Variants in NUP107 observed in about 807,000 individuals in gnomAD.
NUP107 encodes the protein nucleoporin 107.
NUP107 carries 101 observed loss-of-function variants against 141.0 expected under a neutral mutation model. The observed-to-expected ratio is 0.72, with a 90% CI of 0.61 to 0.84. NUP107 has a LOEUF of 0.84. Among genes scored for constraint, NUP107 ranks in the 40% least tolerant of loss-of-function variants. NUP107 has a pLI of 0.00. For missense variants in NUP107, 941 were observed against 1,102.7 expected (o/e 0.85, Z 2.08); for synonymous variants, 319 against 363.9 (o/e 0.88, Z 1.41).
At chr12:68,733,076 A>G (rs531937937) in intron 23 of NUP107, among the ~76,000 whole-genome samples, 1 of 151,854 alleles carries the variant, frequency 6.6e-6, no homozygotes, top group Non-Finnish European at 1.5e-5. Context: ...TTCCATAGGG[A>G]GGAGAAAACC....
At chr12:68,695,392 G>T (rs769002008) in intron 5 of NUP107, among the ~76,000 whole-genome samples, 56 of 152,104 alleles carry the variant, frequency 3.7e-4, no homozygotes, top group Admixed American at 8.5e-4. Context: ...GATGAATGGG[G>T]GAAACAAAAT....
intron 1 of NUP107, 200 bp downstream of exon 1, chr12:68,687,273 TA>T: frequency 1.4e-6 from 1 of 737,054 alleles, no homozygotes; most frequent in Non-Finnish European, 2.1e-6. Flanking sequence ...GTACAGATCA[TA>T]ATAGTCCCTT....
intron 24 of NUP107, among the ~76,000 whole-genome samples, chr12:68,734,346 G>T (rs1301467453): frequency 2.0e-5 from 3 of 152,106 alleles, no homozygotes; most frequent in African/African-American, 7.2e-5. Context: ...CAGTGGGTTA[G>T]GTAGTAGGGC....
rs1333884505 is a variant in NUP107 at position 68,721,825 on chromosome 12, T to C, written c.1312-16T>C. 3 of 1,608,464 alleles carry C rather than the reference T, an allele frequency of 1.9e-6. No individual in the cohort carries two copies. The African/African-American group carries it at 4.0e-5, about 22-fold the overall frequency. On this transcript the variant is annotated splice_polypyrimidine_tract_variant and intron_variant, in intron 15 of 27. Transcript: ENST00000229179. ...TGAATATGTCTATATGTTTCTGTTT[T>C]GTAATGGGGAAAAAGCTGCTTCCTG...
intron 26 of NUP107, chr12:68,739,660 ACC>A (rs1233256975): frequency 1.3e-5 from 2 of 152,244 alleles, no homozygotes; most frequent in African/African-American, 4.8e-5. Context: ...ACACAGTAAA[ACC>A]CCATCTCTAC....
intron 26 of NUP107, among the ~76,000 whole-genome samples, chr12:68,741,254 G>T (rs1256148098): frequency 6.6e-6 from 1 of 151,868 alleles, no homozygotes. Context: ...TTTTCTGCTT[G>T]TTTTCCTTAT....
chr12:68,745,217 C>A lies in NUP107; in HGVS notation c.*2755C>A, dbSNP rs1878480282. On this transcript the variant is annotated 3_prime_UTR_variant, in exon 28 of 28. Transcript: ENST00000229179. ...AGGCCCACGCCACCATGCCCTACTTCCTCATTTATTTTAAATTTTTTGTAC... is the reference window on the plus strand; with the variant it reads ...AGGCCCACGCCACCATGCCCTACTTACTCATTTATTTTAAATTTTTTGTAC... 6.6e-6 allele frequency: 1 copy of A among 152,156 alleles called. No individual in the cohort carries two copies. The highest frequency in any genetic ancestry group is 2.4e-5 in the African/African-American group (1 of 41,432). The allele number at this position is 152,156 out of a possible 1,614,324, so 9.4% of individuals were successfully genotyped here.
intron 26 of NUP107, among the ~76,000 whole-genome samples, chr12:68,738,353 G>A (rs1878165604): frequency 6.6e-6 from 1 of 151,510 alleles, no homozygotes; most frequent in Non-Finnish European, 1.5e-5. Flanking sequence ...GGGAGGTGGA[G>A]GCAGGAGAAT....
intron 1 of NUP107, among the ~76,000 whole-genome samples, chr12:68,688,370 A>G (rs1875606841): frequency 6.6e-6 from 1 of 152,196 alleles, no homozygotes; most frequent in African/African-American, 2.4e-5. Flanking sequence ...TTTGAGTGAA[A>G]CTGACAGGGA....
rs1443602959 is a variant in NUP107, at chr12:68,741,799, A to G, written c.2503-14A>G. ...CTTAAATTGTTAAAATGATTTATTGATGTCTGTTTGTAGGATGCCAAAGAA... is the reference window on the plus strand; with the variant it reads ...CTTAAATTGTTAAAATGATTTATTGGTGTCTGTTTGTAGGATGCCAAAGAA... On this transcript the variant is annotated splice_polypyrimidine_tract_variant and intron_variant, in intron 26 of 27. Transcript: ENST00000229179. The G allele has an allele frequency of 1.2e-6, 2 of 1,603,362 alleles. No homozygotes were observed. The highest frequency in any genetic ancestry group is 1.7e-6 in the Non-Finnish European group (2 of 1,174,540).
chr12:68,707,870 G>A (rs1054174326), intron 8 of NUP107, among the ~76,000 whole-genome samples: 1 of 152,170 alleles, frequency 6.6e-6, no homozygotes, highest in African/African-American at 2.4e-5. Flanking sequence ...GCCGAGGCAG[G>A]TAGACTGCTT....
At chr12:68,702,222 C>A (rs1455186472) in intron 7 of NUP107, among the ~76,000 whole-genome samples, 1 of 152,134 alleles carries the variant, frequency 6.6e-6, no homozygotes, top group African/African-American at 2.4e-5. Flanking sequence ...CTCCTGACCT[C>A]AAGTGATCCA....
At chr12:68,701,915 T>G (rs1468039349) in intron 7 of NUP107, among the ~76,000 whole-genome samples, 3 of 151,950 alleles carry the variant, frequency 2.0e-5, no homozygotes, top group African/African-American at 7.2e-5. Context: ...GTTCAAGGGA[T>G]TCTCCTGCCT....
chr12:68,713,279 A>T (rs369037387), intron 10 of NUP107, among the ~76,000 whole-genome samples: 1 of 150,304 alleles, frequency 6.7e-6, no homozygotes, highest in Non-Finnish European at 1.5e-5. Flanking sequence ...GGAGACTGAA[A>T]TGGGAGGATC....
At position 68,741,896 on chromosome 12, in the gene NUP107, T is replaced by G; in HGVS notation, c.2586T>G (p.His862Gln). The G allele has an allele frequency of 6.2e-7, 1 of 1,614,058 alleles. No individual in the cohort carries two copies. The highest frequency in any genetic ancestry group is 8.5e-7 in the Non-Finnish European group (1 of 1,179,928). ...LCLPMLCFLL[H>Q]TILHSTGQYQ... ...TGCCAATGTTGTGTTTTCTGCTTCA[T>G]ACGATATTGCACAGTACTGGTCAGT... The change falls in exon 27 of 28, where the codon CAT (histidine) becomes CAG (glutamine). Residue 862 changes from histidine (H) to glutamine (Q), a missense_variant. Transcript: ENST00000229179.
chr12:68,687,290 C>A, intron 1 of NUP107: 1 of 680,454 alleles, frequency 1.5e-6, no homozygotes, highest in Non-Finnish European at 2.3e-6. Flanking sequence ...CCCTTACTTT[C>A]CCACTACGTT....
intron 10 of NUP107, among the ~76,000 whole-genome samples, chr12:68,710,380 G>C (rs930399430): frequency 6.6e-6 from 1 of 152,066 alleles, no homozygotes; most frequent in Non-Finnish European, 1.5e-5. Flanking sequence ...AAAACAAGCC[G>C]GGTGTGATGG....
chr12:68,704,634 A>G (rs547365039), intron 8 of NUP107, among the ~76,000 whole-genome samples: 30 of 151,840 alleles, frequency 2.0e-4, no homozygotes, highest in African/African-American at 6.5e-4. Context: ...TTGTACTTTT[A>G]GTAGAGACAG....
chr12:68,697,686 G>T (rs1384597528), intron 6 of NUP107, among the ~76,000 whole-genome samples: 1 of 151,940 alleles, frequency 6.6e-6, no homozygotes, highest in Non-Finnish European at 1.5e-5. Context: ...AACAAAAGAT[G>T]GGAACAGGCA....
Sources: gnomAD v4.1 joint callset for allele counts (sites outside exome capture counted in the v4.1 genomes callset) on GRCh38, gnomAD v4.1.1 for gene constraint, MANE v1.5 for transcripts, NCBI Gene and HGNC (gene_info 2026-07-23, HGNC 2026-07-21) for gene names.